PBRM1: variants seen among roughly 807,000 people sequenced by gnomAD.
PBRM1 encodes protein polybromo-1.
Under a neutral mutation model 194.5 loss-of-function variants are expected in PBRM1, and 27 were observed. The observed-to-expected ratio is 0.14, with a 90% CI of 0.10 to 0.19. PBRM1 has a LOEUF of 0.19. PBRM1 is among the 10% of genes least tolerant of loss of function. The pLI is 1.00. For missense variants in PBRM1, 1,466 were observed against 2,077.2 expected (o/e 0.71, Z 5.72); for synonymous variants, 655 against 693.2 (o/e 0.94, Z 0.87).
At chr3:52,620,996 C>A (rs2095251339) in intron 13 of PBRM1, among the ~76,000 whole-genome samples, 1 of 152,144 alleles carries the variant, frequency 6.6e-6, no homozygotes, top group Non-Finnish European at 1.5e-5. Context: ...AACTCAGAGC[C>A]AACTTCATAC....
chr3:52,565,482 T>C (rs567957056), intron 22 of PBRM1, among the ~76,000 whole-genome samples: 1 of 150,562 alleles, frequency 6.6e-6, no homozygotes, highest in South Asian at 2.1e-4. Flanking sequence ...CACTCCAGCC[T>C]GGGCAATAGA....
chr3:52,554,329 C>CA (rs1357245535), intron 27 of PBRM1, among the ~76,000 whole-genome samples: 1 of 151,980 alleles, frequency 6.6e-6, no homozygotes, highest in Non-Finnish European at 1.5e-5. Context: ...AACTCAGGGG[C>CA]AAAAAATGCT....
At chr3:52,597,287 A>C (rs1484048260) in intron 17 of PBRM1, among the ~76,000 whole-genome samples, 1 of 152,170 alleles carries the variant, frequency 6.6e-6, no homozygotes, top group Non-Finnish European at 1.5e-5. Context: ...ATGAAGGTGC[A>C]CTTTCTGTGT....
In PBRM1 at chr3:52,631,838, T is replaced by G. The variant is rs868578772; in HGVS notation, c.1301+2764A>C. ...GAAAGCAATAAATATCTTTGAAAAT[T>G]TGTAATGTAAGAAAGGAGCTTGGAA... is the stretch of plus-strand genomic sequence containing the variant. On this transcript the variant is annotated intron_variant, in intron 11 of 29. Coordinates refer to ENST00000296302, the Ensembl canonical transcript of PBRM1. Among the ~76,000 whole-genome samples, 10 of 152,332 alleles carry G rather than the reference T, an allele frequency of 6.6e-5. 1 individual carries two copies. The Middle Eastern group carries it at 0.01, about 155-fold the overall frequency.
At chr3:52,641,088 A>G (rs1044726493) in intron 10 of PBRM1, among the ~76,000 whole-genome samples, 1 of 152,210 alleles carries the variant, frequency 6.6e-6, no homozygotes, top group African/African-American at 2.4e-5. Flanking sequence ...ATAATAGCCT[A>G]TAGTGATTAT....
At chr3:52,619,612 G>A (rs1222843804) in intron 13 of PBRM1, among the ~76,000 whole-genome samples, 4 of 152,076 alleles carry the variant, frequency 2.6e-5, no homozygotes, top group Non-Finnish European at 5.9e-5. Flanking sequence ...TATCCTTTAG[G>A]TGGAAGAAAG....
At chr3:52,606,739 A>G (rs1384954725) in intron 16 of PBRM1, among the ~76,000 whole-genome samples, 1 of 152,228 alleles carries the variant, frequency 6.6e-6, no homozygotes, top group Non-Finnish European at 1.5e-5. Context: ...AGAATACAGG[A>G]GGCTCTTAAT....
chr3:52,624,831 AG>A, intron 13 of PBRM1, 65 bp downstream of exon 15: 1 of 1,038,856 alleles, frequency 9.6e-7, no homozygotes, highest in Non-Finnish European at 1.5e-6. Context: ...TCACCTAATC[AG>A]TACTGATCAT....
chr3:52,581,886 T>A (rs2091305541), intron 20 of PBRM1, among the ~76,000 whole-genome samples: 1 of 152,134 alleles, frequency 6.6e-6, no homozygotes, highest in Non-Finnish European at 1.5e-5. Flanking sequence ...TCTGCCCGCC[T>A]CAGCCTCCCA....
At chr3:52,641,899 T>C (rs1281600567) in intron 10 of PBRM1, 55 bp downstream of exon 11, 4 of 1,041,264 alleles carry the variant, frequency 3.8e-6, no homozygotes, top group Non-Finnish European at 6.1e-6. Flanking sequence ...GCAATTTCAT[T>C]TAGCTAGAAG....
chr3:52,624,764 TA>T (rs529667634), intron 13 of PBRM1, 132 bp downstream of exon 15: 8 of 642,502 alleles, frequency 1.2e-5, no homozygotes, highest in Admixed American at 2.8e-5. Flanking sequence ...TCTTTATTCA[TA>T]AAATAAACTG....
upstream of PBRM1, among the ~76,000 whole-genome samples, chr3:52,684,331 G>A (rs2097271590): frequency 2.0e-5 from 3 of 152,016 alleles, no homozygotes; most frequent in South Asian, 6.2e-4. Context: ...AATTTATAGT[G>A]GACAGTTAAG....
At chr3:52,586,230 G>A (rs1342052455) in intron 20 of PBRM1, 195 bp downstream of exon 22, 6 of 513,904 alleles carry the variant, frequency 1.2e-5, no homozygotes, top group African/African-American at 3.8e-5. Context: ...CAATGCACTT[G>A]GCCTGATTTA....
exon 17 of PBRM1, chr3:52,603,651 T>A: frequency 6.2e-7 from 1 of 1,613,530 alleles, no homozygotes. Context: ...GAAGAATCTC[T>A]CCATTTTTGC....
At chr3:52,565,845 T>C (rs1025419183) in intron 22 of PBRM1, among the ~76,000 whole-genome samples, 1 of 151,906 alleles carries the variant, frequency 6.6e-6, no homozygotes, top group Non-Finnish European at 1.5e-5. Context: ...GGTCAGGAGA[T>C]CGAGACCGTC....
At chr3:52,550,959 C>T (rs1357050216) in intron 27 of PBRM1, 142 bp from the exon 30 acceptor site, 7 of 593,612 alleles carry the variant, frequency 1.2e-5, no homozygotes, top group Non-Finnish European at 2.1e-5. Context: ...GAATCTTAAG[C>T]ACCCCAATAG....
chr3:52,586,587 C>T (rs765015740), exon 20 of PBRM1: 1 of 1,613,956 alleles, frequency 6.2e-7, no homozygotes, highest in Non-Finnish European at 8.5e-7. Flanking sequence ...GCATGGTCCA[C>T]AGTTTAATTT....
At chr3:52,645,560 A>C (rs2096267779) in intron 7 of PBRM1, among the ~76,000 whole-genome samples, 1 of 151,674 alleles carries the variant, frequency 6.6e-6, no homozygotes, top group Admixed American at 6.6e-5. Flanking sequence ...TTTCACTTAA[A>C]GGGAGCACTT....
Position 52,579,204 on chromosome 3 carries a change from T to G in PBRM1, c.3388-5A>C. 1.2e-6 allele frequency: 2 copies of G among 1,613,398 alleles called. No homozygotes were observed. Among genetic ancestry groups the G allele is most frequent in the Non-Finnish European group, 1.7e-6 (2 of 1,179,322 alleles). On this transcript the variant is annotated splice_polypyrimidine_tract_variant and splice_region_variant and intron_variant, in intron 20 of 29. Transcript: ENST00000296302. ...CACAGGGACATCTTCTTTTTCCTGT[T>G]GTAAAGAAAACTGGCTGAAGAAAGG...
Sources: allele counts gnomAD v4.1 joint callset (sites outside exome capture counted in the v4.1 genomes callset), GRCh38; gene constraint gnomAD v4.1.1; transcripts MANE v1.5; gene names NCBI Gene and HGNC (gene_info 2026-07-23, HGNC 2026-07-21).